The following FYB2 variants were observed in gnomAD, a reference collection of about 807,000 sequenced individuals.
The protein encoded by FYB2 is FYN-binding protein 2.
A neutral mutation model predicts 94.1 loss-of-function variants in FYB2; 103 were observed. That is an observed-to-expected ratio of 1.09 (90% CI 0.93 to 1.29). The LOEUF (loss-of-function observed/expected upper bound fraction) is 1.29, where lower values mean the gene tolerates loss of function less well. Among genes scored for constraint, FYB2 ranks in the 50% most tolerant of loss-of-function variants. The pLI is 0.00. For missense variants in FYB2, 896 were observed against 841.5 expected, an observed-to-expected ratio of 1.06 and a Z score of -0.80; for synonymous variants, 293 against 287.9, an observed-to-expected ratio of 1.02 and a Z score of -0.18.
intron 4 of FYB2, among the ~76,000 whole-genome samples, chr1:56,776,952 G>GAGATATCAAATAACTTTCCCA (rs1570111158): frequency 1.6e-5 from 1 of 62,008 alleles, no homozygotes; most frequent in Admixed American, 1.5e-4. Context: ...AGAAGGCCCA[G>GAGATATCAAATAACTTTCCCA]GCCGGGCGCG....
Position 56,722,145 on chromosome 1 carries a change from TAATC to T in FYB2, c.1974+1439_1974+1442del, listed in dbSNP as rs771525762. Among the ~76,000 whole-genome samples, 8 of 152,208 alleles carry T rather than the reference TAATC, an allele frequency of 5.3e-5. No individual in the cohort carries two copies. The East Asian group carries it at 5.8e-4, about 11-fold the overall frequency. ...AATTGCCTCACTGTTGTTTTTCAAT[TAATC>T]AAGTAACATCAGGGTTGCAGTAGAT... On this transcript the variant is annotated intron_variant, in intron 17 of 19. Transcript: ENST00000343433.
intron 9 of FYB2, among the ~76,000 whole-genome samples, chr1:56,749,825 G>C (rs557055753): frequency 2.8e-4 from 42 of 152,046 alleles, no homozygotes; most frequent in Non-Finnish European, 4.9e-4. Context: ...CAAGGCAAAA[G>C]TTAGCTTTGG....
chr1:56,722,871 GTCTC>G lies in FYB2; in HGVS notation c.1974+713_1974+716del, dbSNP rs377644314. On this transcript the variant is annotated intron_variant, in intron 17 of 19. Transcript: ENST00000343433. ...TGACTATGAGGAGGATGCACACTTT[GTCTC>G]TCTCAGTCCAGTGTCTAGCACATGG... Among the ~76,000 whole-genome samples the G allele has an allele frequency of 8.2e-4, 125 of 152,136 alleles. 1 individual carries two copies. In the South Asian group the frequency reaches 0.019, roughly 23 times the overall value.
chr1:56,734,281 C>A (rs1226081384), intron 15 of FYB2, among the ~76,000 whole-genome samples: 1 of 152,026 alleles, frequency 6.6e-6, no homozygotes, highest in African/African-American at 2.4e-5. Context: ...CTTCCTCCAT[C>A]CCTTTATTTT....
intron 6 of FYB2, among the ~76,000 whole-genome samples, chr1:56,758,071 G>C (rs1230923208): frequency 1.3e-5 from 2 of 151,682 alleles, no homozygotes; most frequent in Admixed American, 1.3e-4. Context: ...GAGCCACTAT[G>C]CCTGGCCAAG....
intron 11 of FYB2, among the ~76,000 whole-genome samples, chr1:56,743,303 T>C (rs532545714): frequency 6.6e-6 from 1 of 152,106 alleles, no homozygotes; most frequent in African/African-American, 2.4e-5. Context: ...AAATGGTATG[T>C]ATAAAGAAGG....
intron 7 of FYB2, among the ~76,000 whole-genome samples, chr1:56,754,791 T>G (rs2100715635): frequency 6.6e-6 from 1 of 152,226 alleles, no homozygotes; most frequent in African/African-American, 2.4e-5. Context: ...TTCTATTCAG[T>G]TTTGTACCTC....
At chr1:56,816,027 G>A (rs1449559965) in intron 1 of FYB2, among the ~76,000 whole-genome samples, 1 of 152,164 alleles carries the variant, frequency 6.6e-6, no homozygotes, top group Admixed American at 6.5e-5. Context: ...TTAACCTTAT[G>A]TCTATGGGAA....
chr1:56,792,812 A>T lies in FYB2; in HGVS notation c.10-9T>A, dbSNP rs1935553. The T allele has an allele frequency of 2.5e-6, 4 of 1,590,036 alleles. No homozygotes were observed. Among genetic ancestry groups the T allele is most frequent in the Non-Finnish European group, 3.4e-6 (4 of 1,169,166 alleles). On this transcript the variant is annotated splice_polypyrimidine_tract_variant and intron_variant, in intron 1 of 19. Coordinates refer to ENST00000343433, the MANE Select transcript of FYB2 (RefSeq NM_001004303.5). ...AAGTTTCTTACCCCTTCCTAAGGCA[A>T]AGAATAATCAAACAAACAAACAAAA...
At chr1:56,725,222 C>A (rs1346471765) in intron 16 of FYB2, among the ~76,000 whole-genome samples, 1 of 151,994 alleles carries the variant, frequency 6.6e-6, no homozygotes, top group African/African-American at 2.4e-5. Flanking sequence ...CACAAACAGA[C>A]TAAGACAGAT....
Position 56,792,140 on chromosome 1 carries a change from A to G in FYB2, c.673T>C (p.Trp225Arg). 1 of 1,613,900 alleles carries G rather than the reference A, an allele frequency of 6.2e-7. No individual in the cohort carries two copies. Among genetic ancestry groups the G allele is most frequent in the Non-Finnish European group, 8.5e-7 (1 of 1,179,954 alleles). Residue 225 changes from tryptophan to arginine, a missense_variant, in exon 2 of 20, where the codon TGG becomes CGG. Transcript: ENST00000343433. ...FVISQHIRKS[W>R]ENPPPERSPA... ...CTCCTCTCAGGAGGTGGGTTTTCCCAGCTTTTTCTGATATGTTGAGAAATT... is the reference window on the plus strand; with the variant it reads ...CTCCTCTCAGGAGGTGGGTTTTCCCGGCTTTTTCTGATATGTTGAGAAATT...
chr1:56,789,081 A>T lies in FYB2; in HGVS notation c.811T>A (p.Ser271Thr). Residue 271 changes from serine to threonine, a missense_variant, in exon 3 of 20, where the codon TCC becomes ACC. Coordinates refer to ENST00000343433, the MANE Select transcript of FYB2 (RefSeq NM_001004303.5). ...HHLPKTKPLP[S>T]IDSLGPPPPK... is the part of the protein sequence containing the mutation. The stretch of plus-strand genomic sequence containing the variant: ...GGAGGAGGACCCAGGGAGTCGATGG[A>T]GGGCAATGGCTTTGTTTTGGGAAGG... The T allele has an allele frequency of 6.2e-7, 1 of 1,612,736 alleles. No homozygotes were observed. Among genetic ancestry groups the T allele is most frequent in the Non-Finnish European group, 8.5e-7 (1 of 1,179,370 alleles).
At chr1:56,735,117 A>G (rs1274153468) in intron 15 of FYB2, among the ~76,000 whole-genome samples, 1 of 152,166 alleles carries the variant, frequency 6.6e-6, no homozygotes, top group Non-Finnish European at 1.5e-5. Context: ...GTATTAATCC[A>G]AAGGAAATGA....
intron 1 of FYB2, among the ~76,000 whole-genome samples, chr1:56,818,879 T>C (rs960157912): frequency 4.6e-5 from 7 of 152,142 alleles, no homozygotes; most frequent in Non-Finnish European, 8.8e-5. Flanking sequence ...CACCAAGCAC[T>C]GCTCTCTGAC....
At chr1:56,736,424 CTTTTTTT>C (rs59242700) in intron 15 of FYB2, among the ~76,000 whole-genome samples, 1 of 120,008 alleles carries the variant, frequency 8.3e-6, no homozygotes, top group African/African-American at 3.3e-5. Flanking sequence ...TTAAGGATGG[CTTTTTTT>C]TTTTTTTTTT....
At chr1:56,802,551 C>T (rs2101033745) in intron 1 of FYB2, among the ~76,000 whole-genome samples, 1 of 152,308 alleles carries the variant, frequency 6.6e-6, no homozygotes, top group Middle Eastern at 3.4e-3. Context: ...TAGACACAGG[C>T]ATGGAGGTGT....
At chr1:56,735,683 G>A (rs919639019) in intron 15 of FYB2, among the ~76,000 whole-genome samples, 4 of 151,952 alleles carry the variant, frequency 2.6e-5, no homozygotes, top group Non-Finnish European at 5.9e-5. Context: ...AGTTCTGATG[G>A]CTTTATAAGG....
chr1:56,776,730 AG>A, intron 4 of FYB2, among the ~76,000 whole-genome samples: 1 of 152,166 alleles, frequency 6.6e-6, no homozygotes. Context: ...TTTAAATAGG[AG>A]CCTGGTCTCC....
chr1:56,788,085 G>A (rs1354757898), intron 3 of FYB2, among the ~76,000 whole-genome samples: 2 of 152,168 alleles, frequency 1.3e-5, no homozygotes, highest in Admixed American at 1.3e-4. Flanking sequence ...CTCCAACTCA[G>A]ACCAACTGAA....
Sources: allele counts gnomAD v4.1 joint callset (sites outside exome capture counted in the v4.1 genomes callset), GRCh38; gene constraint gnomAD v4.1.1; transcripts MANE v1.5; gene names NCBI Gene and HGNC (gene_info 2026-07-23, HGNC 2026-07-21).